The following LRRIQ3 variants were observed in gnomAD, a reference collection of about 807,000 sequenced individuals.
The protein encoded by LRRIQ3 is leucine-rich repeat and IQ domain-containing protein 3.
LRRIQ3 carries 75 observed loss-of-function variants against 59.3 expected under a neutral mutation model. The observed-to-expected ratio is 1.26, with a 90% CI of 1.05 to 1.53. The LOEUF is 1.53. Among genes scored for constraint, LRRIQ3 ranks in the 40% most tolerant of loss-of-function variants. LRRIQ3 has a pLI of 0.00. For synonymous variants in LRRIQ3, 250 were observed against 231.3 expected (o/e 1.08, Z -0.73); for missense variants, 831 against 710.0 (o/e 1.17, Z -1.94).
chr1:74,056,828 A>ACCC (rs1176466973), intron 6 of LRRIQ3, among the ~76,000 whole-genome samples: 1 of 152,078 alleles, frequency 6.6e-6, no homozygotes, highest in East Asian at 1.9e-4. Context: ...TTGAATTGTT[A>ACCC]CCCCCACATG....
At chr1:74,168,741 G>A (rs962306823) in intron 3 of LRRIQ3, among the ~76,000 whole-genome samples, 1 of 151,732 alleles carries the variant, frequency 6.6e-6, no homozygotes, top group South Asian at 2.1e-4. Flanking sequence ...CTATAGTGAG[G>A]TTTTCTCCCT....
At chr1:74,179,830 T>C (rs1286208119) in intron 3 of LRRIQ3, 4 of 151,978 alleles carry the variant, frequency 2.6e-5, no homozygotes, top group Non-Finnish European at 5.9e-5. Flanking sequence ...TCTTACTCCA[T>C]TTGTGTTACC....
intron 4 of LRRIQ3, among the ~76,000 whole-genome samples, chr1:74,147,099 G>A (rs748565115): frequency 3.9e-5 from 6 of 152,006 alleles, no homozygotes; most frequent in South Asian, 4.2e-4. Context: ...ATGGCAACGC[G>A]TGCCTGTGGT....
chr1:74,060,192 T>C (rs948098895), intron 6 of LRRIQ3, among the ~76,000 whole-genome samples: 2 of 37,330 alleles, frequency 5.4e-5, no homozygotes, highest in Non-Finnish European at 6.7e-5. Context: ...CTTCTTTTTC[T>C]TCTTCTTCTT....
chr1:74,130,274 G>A (rs1022009359), intron 4 of LRRIQ3, among the ~76,000 whole-genome samples: 2 of 152,112 alleles, frequency 1.3e-5, no homozygotes, highest in African/African-American at 2.4e-5. Context: ...TTAGAACTTA[G>A]GCTCTGACCA....
intron 6 of LRRIQ3, among the ~76,000 whole-genome samples, chr1:74,058,384 GA>G (rs1654601131): frequency 6.6e-6 from 1 of 151,694 alleles, no homozygotes; most frequent in African/African-American, 2.4e-5. Context: ...ATATTATGCA[GA>G]AATAAAATGG....
intron 4 of LRRIQ3, among the ~76,000 whole-genome samples, chr1:74,123,889 C>A (rs528386377): frequency 6.6e-6 from 1 of 151,950 alleles, no homozygotes; most frequent in Admixed American, 6.6e-5. Context: ...AAGCTGTTGT[C>A]CATAGTGGTT....
chr1:74,117,349 T>C (rs6676103), intron 4 of LRRIQ3, among the ~76,000 whole-genome samples: 80,911 of 152,012 alleles, frequency 0.53, 21,962 homozygotes, highest in East Asian at 0.82. Flanking sequence ...AAGAGTCTCA[T>C]GTAAAAAGTA....
chr1:74,049,800 A>G (rs1201168952), intron 6 of LRRIQ3, among the ~76,000 whole-genome samples: 1 of 152,160 alleles, frequency 6.6e-6, no homozygotes, highest in Non-Finnish European at 1.5e-5. Context: ...ATGTAATGTC[A>G]TTTTAAAGTA....
intron 3 of LRRIQ3, among the ~76,000 whole-genome samples, chr1:74,174,880 C>T (rs1337872617): frequency 6.6e-6 from 1 of 151,968 alleles, no homozygotes; most frequent in Non-Finnish European, 1.5e-5. Context: ...AGCAGATTTC[C>T]ATTTCTTTAG....
chr1:74,076,205 T>G (rs1646208195), intron 5 of LRRIQ3, among the ~76,000 whole-genome samples: 1 of 152,152 alleles, frequency 6.6e-6, no homozygotes, highest in Admixed American at 6.6e-5. Context: ...ATACTTTCTT[T>G]GGTAAGAAAC....
chr1:74,071,612 T>C (rs1332526781), intron 6 of LRRIQ3, among the ~76,000 whole-genome samples: 1 of 152,172 alleles, frequency 6.6e-6, no homozygotes, highest in Non-Finnish European at 1.5e-5. Context: ...ATGTTATTAG[T>C]ACAGTTTCAT....
At chr1:74,029,110 T>G (rs1653612825) in intron 7 of LRRIQ3, among the ~76,000 whole-genome samples, 1 of 152,120 alleles carries the variant, frequency 6.6e-6, no homozygotes, top group Admixed American at 6.6e-5. Context: ...TAAGGAGATT[T>G]TGGGCTGAGA....
At chr1:74,099,121 G>GT (rs569845350) in intron 5 of LRRIQ3, among the ~76,000 whole-genome samples, 1 of 151,974 alleles carries the variant, frequency 6.6e-6, no homozygotes, top group Non-Finnish European at 1.5e-5. Flanking sequence ...TCAGGAGCTG[G>GT]TTTTTTGAAA....
chr1:74,131,987 C>T (rs181471616), intron 4 of LRRIQ3, among the ~76,000 whole-genome samples: 2 of 152,270 alleles, frequency 1.3e-5, no homozygotes, highest in African/African-American at 4.8e-5. Context: ...CCCATTGTCT[C>T]AGCACAAAAT....
At chr1:74,119,223 C>T (rs926741474) in intron 4 of LRRIQ3, among the ~76,000 whole-genome samples, 21 of 152,058 alleles carry the variant, frequency 1.4e-4, no homozygotes, top group African/African-American at 5.1e-4. Context: ...ACTATTATCC[C>T]ACTTTAAATT....
At chr1:74,157,976 C>G (rs1233542778) in intron 3 of LRRIQ3, among the ~76,000 whole-genome samples, 1 of 152,120 alleles carries the variant, frequency 6.6e-6, no homozygotes. Context: ...CTCATATACA[C>G]TACCTTAGTA....
intron 6 of LRRIQ3, among the ~76,000 whole-genome samples, chr1:74,053,044 A>C (rs1370808726): frequency 6.6e-6 from 1 of 152,128 alleles, no homozygotes; most frequent in Non-Finnish European, 1.5e-5. Flanking sequence ...TCAATGGAAC[A>C]AAGTAGAGAG....
chr1:74,190,066 A>G (rs987887427), intron 1 of LRRIQ3, among the ~76,000 whole-genome samples: 3 of 152,280 alleles, frequency 2.0e-5, no homozygotes, highest in Admixed American at 6.5e-5. Context: ...AGAAAGCTGA[A>G]CAAACTAAAA....
Sources: allele counts gnomAD v4.1 joint callset (sites outside exome capture counted in the v4.1 genomes callset), GRCh38; gene constraint gnomAD v4.1.1; transcripts MANE v1.5; gene names NCBI Gene and HGNC (gene_info 2026-07-23, HGNC 2026-07-21).